Variants in SELENOI observed in about 807,000 individuals in gnomAD.
SELENOI encodes the protein ethanolaminephosphotransferase 1.
Under a neutral mutation model 50.7 loss-of-function variants are expected in SELENOI, and 24 were observed. The ratio of observed to expected loss-of-function variants is 0.47; its 90% CI spans 0.34 to 0.67. SELENOI has a LOEUF of 0.67. Among genes scored for constraint, SELENOI ranks in the 30% least tolerant of loss-of-function variants. The pLI, the probability that SELENOI is intolerant of heterozygous loss-of-function variation, is 0.01. For missense variants in SELENOI, 352 were observed against 461.4 expected (o/e 0.76, Z 2.17); for synonymous variants, 155 against 170.2 (o/e 0.91, Z 0.70).
chr2:26,378,866 A>G (rs746497163), intron 6 of SELENOI, among the ~76,000 whole-genome samples: 1 of 152,184 alleles, frequency 6.6e-6, no homozygotes, highest in Non-Finnish European at 1.5e-5. Context: ...TCATCCGTAA[A>G]TATTTCACTG....
At chr2:26,364,793 C>T in intron 2 of SELENOI, 39 bp from the exon 3 acceptor site, 1 of 1,435,422 alleles carries the variant, frequency 7.0e-7, no homozygotes, top group South Asian at 1.2e-5. Flanking sequence ...ACAGAGATTC[C>T]TCTACTTTAA....
At chr2:26,375,413 A>G (rs1677546307) in intron 6 of SELENOI, among the ~76,000 whole-genome samples, 1 of 152,248 alleles carries the variant, frequency 6.6e-6, no homozygotes. Flanking sequence ...TGACTATTCA[A>G]ATTAACCTAG....
At chr2:26,384,359 G>T (rs931168342) in intron 7 of SELENOI, among the ~76,000 whole-genome samples, 1 of 152,164 alleles carries the variant, frequency 6.6e-6, no homozygotes, top group African/African-American at 2.4e-5. Flanking sequence ...TAACAACGAG[G>T]CTCTCATTGG....
chr2:26,386,603 G>A, intron 9 of SELENOI, 67 bp downstream of exon 9: 2 of 1,299,172 alleles, frequency 1.5e-6, no homozygotes, highest in Non-Finnish European at 2.0e-6. Context: ...ATGCCTCCGA[G>A]TAGAAAGGAG....
At chr2:26,374,912 A>G (rs1677534457) in intron 5 of SELENOI, 128 bp from the exon 6 acceptor site, 5 of 632,532 alleles carry the variant, frequency 7.9e-6, no homozygotes, top group Non-Finnish European at 1.4e-5. Context: ...GCCACATACC[A>G]AATATAAGCA....
intron 1 of SELENOI, among the ~76,000 whole-genome samples, chr2:26,358,382 G>A (rs1574751281): frequency 1.3e-5 from 2 of 152,104 alleles, no homozygotes; most frequent in African/African-American, 2.4e-5. Context: ...GTGAGACTCC[G>A]TCTCAAAAGA....
chr2:26,355,803 C>T (rs1448746265), intron 1 of SELENOI, among the ~76,000 whole-genome samples: 1 of 151,608 alleles, frequency 6.6e-6, no homozygotes, highest in Non-Finnish European at 1.5e-5. Flanking sequence ...TGCAGTGGCA[C>T]TATCACGGCT....
chr2:26,358,970 C>T (rs13020831), intron 1 of SELENOI, among the ~76,000 whole-genome samples: 60,048 of 151,978 alleles, frequency 0.4, 13,341 homozygotes, highest in Non-Finnish European at 0.51. Context: ...TTGCCCTAGA[C>T]CACATGTTTG....
At chr2:26,351,047 G>GT (rs1243341815) in intron 1 of SELENOI, among the ~76,000 whole-genome samples, 6 of 132,740 alleles carry the variant, frequency 4.5e-5, no homozygotes, top group African/African-American at 1.4e-4. Context: ...GTTGTTCACT[G>GT]TTTGTTTGTT....
intron 1 of SELENOI, among the ~76,000 whole-genome samples, chr2:26,351,169 G>A (rs1025013650): frequency 5.4e-5 from 8 of 148,468 alleles, no homozygotes; most frequent in Non-Finnish European, 1.0e-4. Context: ...AGCAATTCTC[G>A]TGCCTCAGCC....
At chr2:26,354,808 A>G (rs1174305648) in intron 1 of SELENOI, among the ~76,000 whole-genome samples, 1 of 152,112 alleles carries the variant, frequency 6.6e-6, no homozygotes, top group East Asian at 1.9e-4. Flanking sequence ...AAAAAACCTG[A>G]TTTTGTTTAC....
chr2:26,374,212 T>C (rs375852935), intron 5 of SELENOI, among the ~76,000 whole-genome samples: 84 of 152,360 alleles, frequency 5.5e-4, no homozygotes, highest in African/African-American at 2.0e-3. Flanking sequence ...ATTTGAACTC[T>C]TGATTTTGGA....
At chr2:26,359,566 C>A (rs1300293169) in intron 1 of SELENOI, among the ~76,000 whole-genome samples, 1 of 152,014 alleles carries the variant, frequency 6.6e-6, no homozygotes, top group African/African-American at 2.4e-5. Flanking sequence ...TCGTTTGAAC[C>A]CGGGAGGCAG....
Position 26,385,086 on chromosome 2 carries a change from C to T in SELENOI, c.859C>T (p.Leu287=), listed in dbSNP as rs1677811400. 1 of 1,612,428 alleles carries T rather than the reference C, an allele frequency of 6.2e-7. No homozygotes were observed. Among genetic ancestry groups the T allele is most frequent in the Non-Finnish European group, 8.5e-7 (1 of 1,179,076 alleles). The change falls in exon 8 of 10, where the codon CTA becomes TTA. Residue 287 remains leucine (L), a synonymous_variant. Coordinates refer to ENST00000260585, the MANE Select transcript of SELENOI (RefSeq NM_033505.4). ...ILWSPSDILE[L]HPRVFYFMVG... ...TTGGTCACCTTCAGATATTTTAGAG[C>T]TACATCCTAGAGTATTCTACTTTAT...
chr2:26,370,857 G>A (rs1260331873), intron 4 of SELENOI, among the ~76,000 whole-genome samples: 17 of 121,480 alleles, frequency 1.4e-4, no homozygotes, highest in African/African-American at 4.0e-4. Flanking sequence ...CCTCCCGGAC[G>A]GGGCGGCTGG....
At chr2:26,382,580 A>G (rs1677729978) in intron 6 of SELENOI, among the ~76,000 whole-genome samples, 1 of 122,658 alleles carries the variant, frequency 8.2e-6, no homozygotes, top group African/African-American at 3.0e-5. Context: ...AGCAGAAGAT[A>G]GTAGATAGTG....
intron 1 of SELENOI, among the ~76,000 whole-genome samples, chr2:26,352,199 G>C (rs574115367): frequency 1.1e-4 from 16 of 152,176 alleles, no homozygotes; most frequent in Non-Finnish European, 2.1e-4. Flanking sequence ...AGTGCTATAG[G>C]TTTTGGGGAG....
intron 3 of SELENOI, among the ~76,000 whole-genome samples, chr2:26,366,200 GTAATTGAAGTTGGA>G (rs1486590514): frequency 6.6e-6 from 1 of 152,112 alleles, no homozygotes; most frequent in Non-Finnish European, 1.5e-5. Context: ...TAATAAAATG[GTAATTGAAGTTGGA>G]AATGCCAACT....
chr2:26,346,355 C>A lies in SELENOI; in HGVS notation c.57+66C>A, dbSNP rs755725212. 8.5e-6 allele frequency: 13 copies of A among 1,523,684 alleles called. No individual in the cohort carries two copies. In the African/African-American group the frequency reaches 1.5e-4, roughly 18 times the overall value. The allele number at this position is 1,523,684 out of a possible 1,614,324, so 94.4% of individuals were successfully genotyped here. On this transcript the variant is annotated intron_variant, in intron 1 of 9. Transcript: ENST00000260585. ...CTCGCCCAGGCGGCTGAGGGGCCCG[C>A]GCGGCGCGGTCCGTGTCACCTTGTG...
Sources: gnomAD v4.1 joint callset for allele counts (sites outside exome capture counted in the v4.1 genomes callset) on GRCh38, gnomAD v4.1.1 for gene constraint, MANE v1.5 for transcripts, NCBI Gene and HGNC (gene_info 2026-07-23, HGNC 2026-07-21) for gene names.